The following FARS2 variants were observed in gnomAD, a reference collection of about 807,000 sequenced individuals.
FARS2 encodes phenylalanine--tRNA ligase, mitochondrial.
Under a neutral mutation model 46.4 loss-of-function variants are expected in FARS2, and 40 were observed. That is an observed-to-expected ratio of 0.86 (90% confidence interval 0.67 to 1.12). The LOEUF is 1.12. FARS2 is among the 50% of genes most tolerant of loss of function. The pLI, the probability that FARS2 is intolerant of heterozygous loss-of-function variation, is 0.00. For synonymous variants in FARS2, 234 were observed against 214.9 expected, an observed-to-expected ratio of 1.09 and a Z score of -0.78; for missense variants, 513 against 567.9, an observed-to-expected ratio of 0.90 and a Z score of 0.98.
intron 1 of FARS2, among the ~76,000 whole-genome samples, chr6:5,290,710 A>C (rs1767442887): frequency 6.6e-6 from 1 of 152,152 alleles, no homozygotes; most frequent in African/African-American, 2.4e-5. Flanking sequence ...GAATGGCAGC[A>C]CTGTGTTAAT....
rs811275 is a variant in FARS2 at position 5,343,656 on chromosome 6, G to A, written c.-21-24894G>A. ...CCAGTGTTGAACTTCTGTACATTAAGTTTTTATCACCTTTAACAGGAATGT... is the reference window on the plus strand; with the variant it reads ...CCAGTGTTGAACTTCTGTACATTAAATTTTTATCACCTTTAACAGGAATGT... On this transcript the variant is annotated intron_variant, in intron 1 of 6. Coordinates refer to ENST00000274680, the MANE Select transcript of FARS2 (RefSeq NM_006567.5). This position sits in a 1 kb window ranked among gnomAD's most constrained non-coding sequence, Gnocchi z 4.5. Among the ~76,000 whole-genome samples, 20,955 of 152,110 alleles carry A rather than the reference G, an allele frequency of 0.14. 2,047 individuals are homozygous for A. Among genetic ancestry groups the A allele is most frequent in the African/African-American group, 0.28 (11,443 of 41,448 alleles).
At position 5,545,186 on chromosome 6, in the gene FARS2, C is replaced by T. The variant is rs757387342; in HGVS notation, c.911C>T (p.Ala304Val). The change falls in exon 5 of 7, where the codon GCT becomes GTT. Residue 304 changes from alanine to valine, a missense_variant. By Grantham distance (64) the Ala-to-Val change is moderately conservative. Transcript: ENST00000274680. ...TTTTGTTTCCTAATCACAGCTGGTGCTCAAGACCGAATCGGCTGGGCTTTT... is the reference window on the plus strand; with the variant it reads ...TTTTGTTTCCTAATCACAGCTGGTGTTCAAGACCGAATCGGCTGGGCTTTT... ...MEQQLVNSAGAQDRIGWAFGL... is the reference protein window; with the variant it reads ...MEQQLVNSAGVQDRIGWAFGL... 29 of 1,613,612 alleles carry T rather than the reference C, an allele frequency of 1.8e-5. No homozygotes were observed. The South Asian group carries it at 2.6e-4, about 15-fold the overall frequency.
Position 5,315,204 on chromosome 6 carries a change from G to T in FARS2, c.-21-53346G>T, listed in dbSNP as rs541298612. Among the ~76,000 whole-genome samples, 75 of 152,284 alleles carry T rather than the reference G, an allele frequency of 4.9e-4. 1 individual carries two copies. The highest frequency in any genetic ancestry group is 1.8e-3 in the African/African-American group (73 of 41,568). On this transcript the variant is annotated intron_variant, in intron 1 of 6. Coordinates refer to ENST00000274680, the MANE Select transcript of FARS2 (RefSeq NM_006567.5). ...TAATGTATATAATCTACTATGTACT[G>T]TTATGCGAATCTTGGCCAAGGATTA...
At chr6:5,521,112 AT>A (rs71828590) in intron 4 of FARS2, among the ~76,000 whole-genome samples, 18,594 of 151,582 alleles carry the variant, frequency 0.12, 1,202 homozygotes, top group Middle Eastern at 0.17. Context: ...CTTTTAAATT[AT>A]TTTTTTTATT....
chr6:5,301,690 T>G (rs1237012936), intron 1 of FARS2, among the ~76,000 whole-genome samples: 2 of 152,074 alleles, frequency 1.3e-5, no homozygotes, highest in African/African-American at 4.8e-5. Context: ...TAGGGTGGGT[T>G]GCGGAGTGGC....
At chr6:5,554,594 T>A (rs760647490) in intron 5 of FARS2, among the ~76,000 whole-genome samples, 1 of 152,328 alleles carries the variant, frequency 6.6e-6, no homozygotes, top group Middle Eastern at 3.4e-3. Context: ...ACCTGTACAT[T>A]AATTTGTTGA....
intron 4 of FARS2, among the ~76,000 whole-genome samples, chr6:5,443,856 G>T (rs368731969): frequency 6.6e-6 from 1 of 152,206 alleles, no homozygotes; most frequent in Non-Finnish European, 1.5e-5. Context: ...AGAAAATTCA[G>T]CTCATTTATT....
At chr6:5,732,061 A>T (rs1025543609) in intron 6 of FARS2, among the ~76,000 whole-genome samples, 3 of 152,206 alleles carry the variant, frequency 2.0e-5, no homozygotes, top group African/African-American at 7.2e-5. Context: ...GATGATCCTC[A>T]TGCAGGGTTT....
At chr6:5,373,325 A>T (rs1263231839) in intron 2 of FARS2, among the ~76,000 whole-genome samples, 1 of 152,122 alleles carries the variant, frequency 6.6e-6, no homozygotes, top group African/African-American at 2.4e-5. Flanking sequence ...TAATGTGGGA[A>T]GGTGGATTAG....
intron 4 of FARS2, among the ~76,000 whole-genome samples, chr6:5,494,349 C>T (rs796354384): frequency 2.0e-5 from 3 of 152,302 alleles, no homozygotes; most frequent in African/African-American, 7.2e-5. Flanking sequence ...GGAGAACGCT[C>T]AGGAGGCCTG....
intron 5 of FARS2, among the ~76,000 whole-genome samples, chr6:5,556,112 A>T (rs1189255980): frequency 6.6e-6 from 1 of 152,120 alleles, no homozygotes; most frequent in African/African-American, 2.4e-5. Flanking sequence ...AAACTATTGC[A>T]TCCTACAGTC....
intron 4 of FARS2, among the ~76,000 whole-genome samples, chr6:5,534,867 A>T (rs996104443): frequency 6.6e-6 from 1 of 152,038 alleles, no homozygotes; most frequent in Non-Finnish European, 1.5e-5. Flanking sequence ...GCGCACACAC[A>T]CACACACAGA....
chr6:5,584,363 C>T (rs991703390), intron 5 of FARS2, among the ~76,000 whole-genome samples: 2 of 152,134 alleles, frequency 1.3e-5, no homozygotes, highest in African/African-American at 2.4e-5. Flanking sequence ...ATTTCTCCCC[C>T]ACCCCAGCAC....
At chr6:5,667,350 G>A (rs780308461) in intron 6 of FARS2, among the ~76,000 whole-genome samples, 7 of 151,868 alleles carry the variant, frequency 4.6e-5, no homozygotes, top group Admixed American at 2.0e-4. Context: ...AAACCCCATC[G>A]CTACTAAAAA....
chr6:5,492,593 G>A (rs929132641), intron 4 of FARS2, among the ~76,000 whole-genome samples: 3 of 152,180 alleles, frequency 2.0e-5, no homozygotes, highest in Admixed American at 6.5e-5. Flanking sequence ...ATTAAGCATT[G>A]TACTAGGTCT....
intron 1 of FARS2, among the ~76,000 whole-genome samples, chr6:5,330,431 C>T (rs1406082169): frequency 2.6e-5 from 4 of 152,108 alleles, no homozygotes; most frequent in Non-Finnish European, 5.9e-5. Context: ...CAAGAGGAAG[C>T]TGTGTTTCTT....
intron 4 of FARS2, among the ~76,000 whole-genome samples, chr6:5,493,369 C>G (rs1329408170): frequency 1.3e-5 from 2 of 152,190 alleles, no homozygotes; most frequent in African/African-American, 4.8e-5. Context: ...TCACATGTCT[C>G]TTAGTACAGT....
intron 1 of FARS2, among the ~76,000 whole-genome samples, chr6:5,359,650 C>T (rs1031799944): frequency 6.6e-6 from 1 of 152,218 alleles, no homozygotes; most frequent in Non-Finnish European, 1.5e-5. Flanking sequence ...CCTGTGGAAG[C>T]CATGTGCCCC....
At chr6:5,318,337 C>T (rs192597195) in intron 1 of FARS2, among the ~76,000 whole-genome samples, 69 of 139,324 alleles carry the variant, frequency 5.0e-4, no homozygotes, top group African/African-American at 1.2e-3. Context: ...CCAGCCTGGG[C>T]GACAGAGTGA....
Sources: allele counts gnomAD v4.1 joint callset (sites outside exome capture counted in the v4.1 genomes callset), GRCh38; gene constraint gnomAD v4.1.1; non-coding constraint Gnocchi (gnomAD v3.1); transcripts MANE v1.5; gene names NCBI Gene and HGNC (gene_info 2026-07-23, HGNC 2026-07-21).